The following SNX29 variants were observed in gnomAD, a reference collection of about 807,000 sequenced individuals.
SNX29 encodes sorting nexin 29, also known as sorting nexin-29.
Under a neutral mutation model 102.1 loss-of-function variants are expected in SNX29, and 78 were observed. That is an observed-to-expected ratio of 0.76 (90% CI 0.64 to 0.92). The LOEUF (loss-of-function observed/expected upper bound fraction) is 0.92. Ranked by LOEUF, SNX29 falls within the 40% of genes least tolerant of loss-of-function variation. SNX29 has a pLI of 0.00. For synonymous variants in SNX29, 580 were observed against 414.5 expected (o/e 1.40, Z -4.85); for missense variants, 1,280 against 1,061.7 (o/e 1.21, Z -2.86).
At chr16:12,455,197 G>T (rs896997942) in intron 18 of SNX29, among the ~76,000 whole-genome samples, 1 of 152,056 alleles carries the variant, frequency 6.6e-6, no homozygotes, top group African/African-American at 2.4e-5. Context: ...GCTCCAAGAC[G>T]CCCTTCTCCT....
chr16:12,264,754 C>A (rs1348347299), intron 14 of SNX29, among the ~76,000 whole-genome samples: 1 of 150,274 alleles, frequency 6.7e-6, no homozygotes, highest in Non-Finnish European at 1.5e-5. Context: ...TGCACTCCAA[C>A]GAGACTCTGT....
chr16:12,157,993 C>T (rs2055624999), intron 13 of SNX29, among the ~76,000 whole-genome samples: 3 of 152,268 alleles, frequency 2.0e-5, no homozygotes, highest in South Asian at 4.1e-4. Context: ...TTATAATTCA[C>T]ATTACATCAC....
intron 13 of SNX29, among the ~76,000 whole-genome samples, chr16:12,137,020 G>A (rs142115197): frequency 2.0e-5 from 3 of 152,300 alleles, no homozygotes; most frequent in South Asian, 2.1e-4. Context: ...TATTACAGGC[G>A]TGAGCCACGG....
At chr16:12,113,301 G>T (rs931134426) in intron 11 of SNX29, among the ~76,000 whole-genome samples, 2 of 152,176 alleles carry the variant, frequency 1.3e-5, no homozygotes, top group African/African-American at 4.8e-5. Flanking sequence ...CTGAGCCTCA[G>T]AGCAGACAAG....
At chr16:12,508,693 T>C (rs531597222) in intron 19 of SNX29, among the ~76,000 whole-genome samples, 2 of 152,082 alleles carry the variant, frequency 1.3e-5, no homozygotes, top group African/African-American at 4.8e-5. Context: ...CATTGCAGTA[T>C]GGAATTGTCT....
chr16:12,559,249 GC>G (rs1343185634), intron 20 of SNX29, among the ~76,000 whole-genome samples: 1 of 151,998 alleles, frequency 6.6e-6, no homozygotes, highest in East Asian at 1.9e-4. Context: ...TCGCATCACC[GC>G]CTGAGCTCTG....
At chr16:12,555,784 G>A (rs1469295324) in intron 20 of SNX29, among the ~76,000 whole-genome samples, 4 of 151,594 alleles carry the variant, frequency 2.6e-5, no homozygotes, top group African/African-American at 7.3e-5. Context: ...AGTGGCACCA[G>A]GCAGGCACAC....
chr16:12,476,422 A>G (rs1444572864), intron 18 of SNX29, among the ~76,000 whole-genome samples: 2 of 81,878 alleles, frequency 2.4e-5, no homozygotes, highest in Non-Finnish European at 4.8e-5. Context: ...ACATATATAT[A>G]TATATATATA....
intron 16 of SNX29, among the ~76,000 whole-genome samples, chr16:12,385,283 T>G (rs1471482080): frequency 6.6e-6 from 1 of 152,212 alleles, no homozygotes; most frequent in Non-Finnish European, 1.5e-5. Context: ...GAATAAACCT[T>G]GACAGACCCA....
At chr16:12,286,213 TTACC>T (rs2079591759) in intron 15 of SNX29, among the ~76,000 whole-genome samples, 1 of 151,956 alleles carries the variant, frequency 6.6e-6, no homozygotes, top group Non-Finnish European at 1.5e-5. Flanking sequence ...TATAGTTTGA[TTACC>T]AAGCAAAATG....
At chr16:12,526,093 A>G (rs117276689) in intron 20 of SNX29, among the ~76,000 whole-genome samples, 2 of 152,262 alleles carry the variant, frequency 1.3e-5, no homozygotes, top group Non-Finnish European at 2.9e-5. Context: ...GTAAAAATCC[A>G]TAGAGAAGAC....
At chr16:12,341,041 T>A (rs1449081271) in intron 15 of SNX29, among the ~76,000 whole-genome samples, 2 of 152,322 alleles carry the variant, frequency 1.3e-5, no homozygotes, top group Non-Finnish European at 2.9e-5. Flanking sequence ...ACGTGATGAT[T>A]ACAGTGAAGG....
intron 10 of SNX29, among the ~76,000 whole-genome samples, chr16:12,069,407 A>G (rs2151301429): frequency 6.6e-6 from 1 of 151,974 alleles, no homozygotes; most frequent in Admixed American, 6.6e-5. Context: ...TTGGAATTAC[A>G]GGCACACACC....
chr16:12,501,021 T>C (rs142198410), intron 19 of SNX29, among the ~76,000 whole-genome samples: 100 of 152,288 alleles, frequency 6.6e-4, no homozygotes, highest in African/African-American at 2.3e-3. Flanking sequence ...TGTGCTGTGT[T>C]GCCCTCTCAG....
chr16:12,566,073 G>A (rs376628980), intron 20 of SNX29, among the ~76,000 whole-genome samples: 4 of 152,208 alleles, frequency 2.6e-5, no homozygotes, highest in Non-Finnish European at 5.9e-5. Context: ...GTCTCTCTAG[G>A]CACTTGATCC....
intron 13 of SNX29, among the ~76,000 whole-genome samples, chr16:12,160,518 G>T (rs1464008085): frequency 6.6e-6 from 1 of 152,200 alleles, no homozygotes; most frequent in African/African-American, 2.4e-5. Context: ...CAAATTTCTA[G>T]AGACAGAAAC....
intron 16 of SNX29, among the ~76,000 whole-genome samples, chr16:12,381,051 T>C (rs1457049144): frequency 1.4e-3 from 11 of 7,980 alleles, no homozygotes; most frequent in African/African-American, 4.0e-3. Context: ...TCCACCCACC[T>C]ACCATCCATC....
chr16:12,209,742 C>T (rs1019353792), intron 14 of SNX29, among the ~76,000 whole-genome samples: 2 of 152,224 alleles, frequency 1.3e-5, no homozygotes, highest in African/African-American at 4.8e-5. Flanking sequence ...CGGTCAATAG[C>T]AGGAGTTAGA....
intron 13 of SNX29, chr16:12,135,720 AT>A (rs755339533): frequency 7.3e-6 from 6 of 819,058 alleles, no homozygotes; most frequent in Non-Finnish European, 8.8e-6. Context: ...GAGCCAATAA[AT>A]TGCTTTCATT....
Sources: gnomAD v4.1 joint callset for allele counts (sites outside exome capture counted in the v4.1 genomes callset) on GRCh38, gnomAD v4.1.1 for gene constraint, MANE v1.5 for transcripts, NCBI Gene and HGNC (gene_info 2026-07-23, HGNC 2026-07-21) for gene names.